Variants in LINGO2 observed in about 807,000 individuals in gnomAD.
LINGO2 encodes leucine rich repeat and Ig domain containing 2, also known as leucine-rich repeat and immunoglobulin-like domain-containing nogo receptor-interacting protein 2.
In LINGO2, 14 loss-of-function variants were observed where a neutral mutation model predicts 30.6. The ratio of observed to expected loss-of-function variants is 0.46; its 90% CI spans 0.30 to 0.72. The LOEUF (loss-of-function observed/expected upper bound fraction) is 0.72. Ranked by LOEUF, LINGO2 falls within the 30% of genes least tolerant of loss-of-function variation. LINGO2 has a pLI of 0.07. For missense variants in LINGO2, 729 were observed against 751.7 expected, an observed-to-expected ratio of 0.97 and a Z score of 0.35; for synonymous variants, 317 against 288.5, an observed-to-expected ratio of 1.10 and a Z score of -1.00.
At chr9:28,416,166 A>G (rs566508586) in intron 2 of LINGO2, among the ~76,000 whole-genome samples, 1 of 152,282 alleles carries the variant, frequency 6.6e-6, no homozygotes, top group African/African-American at 2.4e-5. Flanking sequence ...AGATATGTAA[A>G]CAATCTGCTT....
chr9:28,051,989 T>G (rs1824698677), intron 4 of LINGO2, among the ~76,000 whole-genome samples: 1 of 152,170 alleles, frequency 6.6e-6, no homozygotes, highest in African/African-American at 2.4e-5. Flanking sequence ...AAATTCCAAC[T>G]GTCCTAGATC....
intron 2 of LINGO2, among the ~76,000 whole-genome samples, chr9:28,387,888 G>T (rs1394376038): frequency 1.3e-5 from 2 of 151,986 alleles, no homozygotes; most frequent in Non-Finnish European, 2.9e-5. Flanking sequence ...ACATCAGAAG[G>T]AACAAACTCC....
At chr9:27,953,850 C>A (rs1819434140) in intron 5 of LINGO2, among the ~76,000 whole-genome samples, 1 of 152,066 alleles carries the variant, frequency 6.6e-6, no homozygotes, top group East Asian at 1.9e-4. Context: ...ATATGCTGTA[C>A]TCACATTTGT....
At chr9:28,056,102 G>A (rs10968315) in intron 4 of LINGO2, among the ~76,000 whole-genome samples, 16,047 of 152,208 alleles carry the variant, frequency 0.11, 1,158 homozygotes, top group Middle Eastern at 0.21. Flanking sequence ...AGTGAGCAAA[G>A]GCAACCTCTG....
intron 4 of LINGO2, among the ~76,000 whole-genome samples, chr9:28,040,601 C>T (rs554614366): frequency 3.9e-5 from 6 of 152,108 alleles, no homozygotes; most frequent in Admixed American, 6.5e-5. Context: ...ACTAACTGAG[C>T]GCTATCAACT....
At chr9:28,617,837 A>C (rs1826208340) in intron 1 of LINGO2, among the ~76,000 whole-genome samples, 1 of 152,170 alleles carries the variant, frequency 6.6e-6, no homozygotes, top group African/African-American at 2.4e-5. Context: ...GGCAAGACTA[A>C]AATTCTACTT....
At chr9:29,088,765 A>C in the LINGO2 span, among the ~76,000 whole-genome samples, 2 of 152,166 alleles carry the variant, frequency 1.3e-5, no homozygotes, top group Non-Finnish European at 2.9e-5. Context: ...TATCTGAAAA[A>C]ATTATTTTGG....
the LINGO2 span, among the ~76,000 whole-genome samples, chr9:28,890,161 G>T: frequency 1.3e-5 from 2 of 150,726 alleles, no homozygotes; most frequent in Non-Finnish European, 3.0e-5. Context: ...TCCTATCTAG[G>T]AATTGGCAGA....
the LINGO2 span, among the ~76,000 whole-genome samples, chr9:29,067,196 T>C: frequency 6.6e-5 from 10 of 151,914 alleles, no homozygotes; most frequent in South Asian, 2.1e-3. Context: ...ATTGCTACAT[T>C]CCTTAATTCT....
chr9:28,694,599 A>C, the LINGO2 span, among the ~76,000 whole-genome samples: 1 of 152,026 alleles, frequency 6.6e-6, no homozygotes, highest in African/African-American at 2.4e-5. Context: ...CCTATGAGGT[A>C]GATAATGCTA....
intron 4 of LINGO2, among the ~76,000 whole-genome samples, chr9:28,025,182 G>A (rs1224418399): frequency 1.3e-5 from 2 of 152,100 alleles, no homozygotes; most frequent in Non-Finnish European, 2.9e-5. Context: ...AAACACTCAA[G>A]GTTGTGATTT....
the LINGO2 span, among the ~76,000 whole-genome samples, chr9:28,928,052 A>G: frequency 6.6e-6 from 1 of 152,356 alleles, no homozygotes; most frequent in East Asian, 1.9e-4. Context: ...AAAACAGAGT[A>G]GGTATTCTCT....
At chr9:27,964,944 A>G (rs554045199) in intron 5 of LINGO2, among the ~76,000 whole-genome samples, 2 of 152,236 alleles carry the variant, frequency 1.3e-5, no homozygotes, top group South Asian at 4.1e-4. Context: ...CGGCATGGAA[A>G]AAACTCATTT....
intron 5 of LINGO2, among the ~76,000 whole-genome samples, chr9:27,992,438 G>C (rs12347914): frequency 0.035 from 5,302 of 152,064 alleles, 335 homozygotes; most frequent in African/African-American, 0.12. Flanking sequence ...TTTTATGCAA[G>C]TTGTTAGAGC....
the LINGO2 span, among the ~76,000 whole-genome samples, chr9:28,918,307 C>T: frequency 6.6e-6 from 1 of 152,150 alleles, no homozygotes; most frequent in Admixed American, 6.5e-5. Context: ...AAACCACCCC[C>T]CCAGGGTTCA....
At chr9:29,135,229 A>G in the LINGO2 span, among the ~76,000 whole-genome samples, 3 of 151,970 alleles carry the variant, frequency 2.0e-5, no homozygotes, top group Non-Finnish European at 4.4e-5. Context: ...CTTTCCCAAC[A>G]TGGGGAAATA....
At chr9:28,145,900 G>A (rs1026613511) in intron 4 of LINGO2, among the ~76,000 whole-genome samples, 4 of 152,162 alleles carry the variant, frequency 2.6e-5, no homozygotes, top group Middle Eastern at 3.4e-3. Flanking sequence ...CCTTAAGACC[G>A]CTTCTCTTCC....
At chr9:28,237,772 T>C (rs1821630272) in intron 4 of LINGO2, among the ~76,000 whole-genome samples, 1 of 152,072 alleles carries the variant, frequency 6.6e-6, no homozygotes, top group Admixed American at 6.6e-5. Flanking sequence ...GAGAATTGCT[T>C]GAACCTAGGA....
chr9:29,092,232 T>C, the LINGO2 span, among the ~76,000 whole-genome samples: 35 of 152,070 alleles, frequency 2.3e-4, no homozygotes, highest in South Asian at 3.7e-3. Flanking sequence ...CTCGTAACTA[T>C]AAAAGTTAGA....
Sources: gnomAD v4.1 joint callset for allele counts (sites outside exome capture counted in the v4.1 genomes callset) on GRCh38, gnomAD v4.1.1 for gene constraint, MANE v1.5 for transcripts, NCBI Gene and HGNC (gene_info 2026-07-23, HGNC 2026-07-21) for gene names.